Variants in ZNF469 observed in about 807,000 individuals in gnomAD.
ZNF469 encodes the protein zinc finger protein 469.
Under a neutral mutation model 1.0 loss-of-function variants are expected in ZNF469, and 1 was observed. The observed-to-expected ratio is 1.00, with a 90% CI of 0.35 to 4.73. The LOEUF is 4.73. ZNF469 is among the 30% of genes most tolerant of loss of function. The pLI, the probability that ZNF469 is intolerant of heterozygous loss-of-function variation, is 0.16. For missense variants in ZNF469, 6,100 were observed against 5,356.3 expected (o/e 1.14, Z -4.33); for synonymous variants, 2,703 against 2,363.4 (o/e 1.14, Z -4.17).
chr16:88,174,472 G>GCCTGTCTATCTATCTATCTA, the ZNF469 span, among the ~76,000 whole-genome samples: 20 of 112,642 alleles, frequency 1.8e-4, no homozygotes, highest in East Asian at 1.8e-3. Context: ...TCGTCTGTCT[G>GCCTGTCTATCTATCTATCTA]TCTGTCTATC....
chr16:88,427,802 G>A lies in ZNF469; in HGVS notation c.332G>A (p.Arg111Lys), dbSNP rs1296808888. The A allele has an allele frequency of 1.3e-6, 2 of 1,547,796 alleles. No homozygotes were observed. Among genetic ancestry groups the A allele is most frequent in the Non-Finnish European group, 1.7e-6 (2 of 1,146,770 alleles). The part of the protein sequence containing the change: ...PLQAPSRLAG[R>K]AEGSPPQRYI... ...CAGGCTCCCTCAAGGCTGGCGGGCA[G>A]GGCAGAGGGCAGCCCCCCACAGCGC... The change falls in exon 3 of 3, where the codon AGG becomes AAG. Residue 111 changes from arginine (R) to lysine (K), a missense_variant. Arg to Lys is a conservative substitution (Grantham distance 26). Transcript: ENST00000565624.
At chr16:88,150,094 G>T in the ZNF469 span, among the ~76,000 whole-genome samples, 4 of 152,190 alleles carry the variant, frequency 2.6e-5, no homozygotes, top group Non-Finnish European at 5.9e-5. Context: ...GATCACCTGA[G>T]GTCAGAAGTT....
In ZNF469 at chr16:88,429,199, A is replaced by G. The variant is rs1292633355; in HGVS notation, c.1729A>G (p.Ser577Gly). The change falls in exon 3 of 3, where the codon AGC becomes GGC. Residue 577 changes from serine (S) to glycine (G), a missense_variant. Coordinates refer to ENST00000565624, the MANE Select transcript of ZNF469 (RefSeq NM_001367624.2). ...QPQVSPHGTP[S>G]LPPPRVVGAS... The stretch of plus-strand genomic sequence containing the variant: ...CCAGGTTTCACCCCACGGGACACCC[A>G]GCCTGCCCCCACCGAGGGTAGTGGG... 1.3e-6 allele frequency: 2 copies of G among 1,549,668 alleles called. No homozygotes were observed. The highest frequency in any genetic ancestry group is 1.7e-6 in the Non-Finnish European group (2 of 1,146,812).
At chr16:88,344,950 C>A in the ZNF469 span, among the ~76,000 whole-genome samples, 3 of 152,196 alleles carry the variant, frequency 2.0e-5, no homozygotes, top group Admixed American at 6.5e-5. Context: ...GTGGCCCCGA[C>A]ATCCCTGACA....
At chr16:88,181,825 A>G in the ZNF469 span, among the ~76,000 whole-genome samples, 2 of 152,246 alleles carry the variant, frequency 1.3e-5, no homozygotes, top group Non-Finnish European at 2.9e-5. Flanking sequence ...AAGACTGGAA[A>G]CAAAGTCAGA....
chr16:88,413,216 G>T (rs150815964), intron 1 of ZNF469, among the ~76,000 whole-genome samples: 4 of 152,234 alleles, frequency 2.6e-5, no homozygotes, highest in Admixed American at 1.3e-4. Flanking sequence ...CCGTGTGCAC[G>T]AGAGGCCGGG....
chr16:88,148,621 T>A, the ZNF469 span, among the ~76,000 whole-genome samples: 3 of 152,128 alleles, frequency 2.0e-5, no homozygotes, highest in Non-Finnish European at 2.9e-5. Flanking sequence ...CTGGTGTCCT[T>A]GAGGCAAACC....
At chr16:88,200,028 G>T in the ZNF469 span, among the ~76,000 whole-genome samples, 48 of 152,280 alleles carry the variant, frequency 3.2e-4, no homozygotes, top group Non-Finnish European at 5.1e-4. Context: ...AATGCCTCCC[G>T]CTCCCACCCC....
intron 2 of ZNF469, among the ~76,000 whole-genome samples, chr16:88,425,603 C>T (rs890641066): frequency 3.3e-5 from 5 of 152,192 alleles, no homozygotes; most frequent in South Asian, 2.1e-4. Flanking sequence ...AAATTCAGGG[C>T]GACAATCACA....
At chr16:88,152,332 G>A in the ZNF469 span, among the ~76,000 whole-genome samples, 3,539 of 152,314 alleles carry the variant, frequency 0.023, 139 homozygotes, top group African/African-American at 0.081. The surrounding 1 kb of genome is among the most constrained non-coding windows in gnomAD (Gnocchi z 4.2). Context: ...CTACAGACAC[G>A]CTCTGGTTTC....
At chr16:88,329,110 G>A in the ZNF469 span, among the ~76,000 whole-genome samples, 1 of 152,294 alleles carries the variant, frequency 6.6e-6, no homozygotes, top group African/African-American at 2.4e-5. Context: ...GGGAGCTCTG[G>A]CAGTGGTATC....
the ZNF469 span, among the ~76,000 whole-genome samples, chr16:88,198,701 C>G: frequency 0.049 from 7,468 of 152,284 alleles, 239 homozygotes; most frequent in Non-Finnish European, 0.071. Flanking sequence ...GGGTTTTTAG[C>G]TGGCCAGGCC....
chr16:88,347,222 C>T, the ZNF469 span, among the ~76,000 whole-genome samples: 164 of 152,244 alleles, frequency 1.1e-3, no homozygotes, highest in African/African-American at 3.9e-3. Context: ...AACCTTTGGA[C>T]GAGTGAGATC....
chr16:88,327,220 C>G, the ZNF469 span, among the ~76,000 whole-genome samples: 1 of 152,228 alleles, frequency 6.6e-6, no homozygotes, highest in Non-Finnish European at 1.5e-5. Context: ...GCCTGCACCA[C>G]TGGGGCTTCT....
chr16:88,226,019 G>GC, the ZNF469 span, among the ~76,000 whole-genome samples: 1 of 152,038 alleles, frequency 6.6e-6, no homozygotes, highest in South Asian at 2.1e-4. Context: ...CAGGATGGTC[G>GC]CCCCCCACCT....
At chr16:88,256,142 A>G in the ZNF469 span, among the ~76,000 whole-genome samples, 2 of 152,098 alleles carry the variant, frequency 1.3e-5, no homozygotes, top group Non-Finnish European at 2.9e-5. Flanking sequence ...AACAATATCT[A>G]TCCACCATTA....
At chr16:88,109,555 A>C in the ZNF469 span, among the ~76,000 whole-genome samples, 1 of 101,980 alleles carries the variant, frequency 9.8e-6, no homozygotes, top group South Asian at 3.6e-4. Flanking sequence ...GGTGCTGAGC[A>C]TCTGTGTCCA....
the ZNF469 span, among the ~76,000 whole-genome samples, chr16:88,183,824 G>A: frequency 6.6e-6 from 1 of 152,186 alleles, no homozygotes; most frequent in Non-Finnish European, 1.5e-5. Context: ...GGGGGCGCAC[G>A]GTGAAAAGGA....
At chr16:88,103,921 T>C in the ZNF469 span, among the ~76,000 whole-genome samples, 2 of 151,204 alleles carry the variant, frequency 1.3e-5, no homozygotes, top group African/African-American at 4.9e-5. Context: ...GAGGGGGCAG[T>C]GGAATAATCC....
Sources: gnomAD v4.1 joint callset for allele counts (sites outside exome capture counted in the v4.1 genomes callset) on GRCh38, gnomAD v4.1.1 for gene constraint, Gnocchi (gnomAD v3.1) non-coding constraint, MANE v1.5 for transcripts, NCBI Gene and HGNC (gene_info 2026-07-23, HGNC 2026-07-21) for gene names.